Variants in GRIA2 observed in about 807,000 individuals in gnomAD.
GRIA2 encodes glutamate ionotropic receptor AMPA type subunit 2.
A neutral mutation model predicts 97.3 loss-of-function variants in GRIA2; 14 were observed. The observed-to-expected ratio is 0.14, with a 90% confidence interval of 0.10 to 0.23. GRIA2 has a LOEUF of 0.23. GRIA2 is among the 10% of genes least tolerant of loss of function. The pLI is 1.00. For missense variants in GRIA2, 558 were observed against 1,069.8 expected (o/e 0.52, Z 6.67); for synonymous variants, 412 against 387.8 (o/e 1.06, Z -0.73).
chr4:157,321,621 T>C (rs988593600), intron 6 of GRIA2, 22 bp downstream of exon 6: 4 of 1,558,298 alleles, frequency 2.6e-6, no homozygotes, highest in Non-Finnish European at 3.5e-6. Flanking sequence ...TTTCTGTCTT[T>C]TCTTTTTCTT....
At chr4:157,280,818 A>G (rs1271453532) in intron 2 of GRIA2, among the ~76,000 whole-genome samples, 2 of 152,062 alleles carry the variant, frequency 1.3e-5, no homozygotes. Flanking sequence ...AGGGAATTAC[A>G]TGCAGGCATA....
intron 2 of GRIA2, among the ~76,000 whole-genome samples, chr4:157,270,652 C>G (rs1308491719): frequency 1.3e-5 from 2 of 152,022 alleles, no homozygotes; most frequent in African/African-American, 2.4e-5. Context: ...CTGGAAAAAA[C>G]ACACAAGCGA....
intron 7 of GRIA2, 38 bp from the exon 8 acceptor site, chr4:157,333,211 A>T (rs1468057093): frequency 8.2e-7 from 1 of 1,213,716 alleles, no homozygotes; most frequent in Non-Finnish European, 1.2e-6. Context: ...TGGTTGAAGT[A>T]AATATATAAC....
chr4:157,252,578 T>C lies in GRIA2; in HGVS notation c.229+30771T>C, dbSNP rs1355664149. ...TGGTAATATTGAGGAAAATAATATTTTGATATTGTATAATGAATTATGGCA... is the reference window on the plus strand; with the variant it reads ...TGGTAATATTGAGGAAAATAATATTCTGATATTGTATAATGAATTATGGCA... On this transcript the variant is annotated intron_variant, in intron 2 of 15. Coordinates refer to ENST00000264426, the MANE Select transcript of GRIA2 (RefSeq NM_001083619.3). Among the ~76,000 whole-genome samples, 11 of 152,162 alleles carry C rather than the reference T, an allele frequency of 7.2e-5. No individual in the cohort carries two copies. The East Asian group carries it at 2.1e-3, about 30-fold the overall frequency.
At position 157,220,963 on chromosome 4, in the gene GRIA2, A is replaced by G; in HGVS notation, c.-80A>G. On this transcript the variant is annotated 5_prime_UTR_variant, in exon 1 of 16. Coordinates refer to ENST00000264426, the MANE Select transcript of GRIA2 (RefSeq NM_001083619.3). ...TCAAAATGCAGAGGATCTAATTTGC[A>G]GAGGAAAACAGCCAAAGAAGGAAGA... 2.6e-6 allele frequency: 2 copies of G among 775,424 alleles called. No homozygotes were observed. Among genetic ancestry groups the G allele is most frequent in the East Asian group, 2.4e-5 (1 of 40,958 alleles). 48.0% of individuals were successfully genotyped at this position (775,424 alleles called of 1,614,324 possible).
At chr4:157,252,246 A>C (rs1339757300) in intron 2 of GRIA2, among the ~76,000 whole-genome samples, 1 of 152,152 alleles carries the variant, frequency 6.6e-6, no homozygotes, top group Non-Finnish European at 1.5e-5. Flanking sequence ...CCACATGATC[A>C]TATGGAACAA....
chr4:157,259,275 C>A (rs978465349), intron 2 of GRIA2, among the ~76,000 whole-genome samples: 19 of 151,966 alleles, frequency 1.3e-4, no homozygotes, highest in Admixed American at 1.0e-3. Context: ...TGTCTTTGGC[C>A]TACCTTCACT....
intron 2 of GRIA2, among the ~76,000 whole-genome samples, chr4:157,224,151 GT>G (rs753233379): frequency 2.0e-5 from 3 of 152,222 alleles, no homozygotes; most frequent in East Asian, 1.9e-4. Flanking sequence ...CATTTGCACA[GT>G]TTTTTCCCCT....
chr4:157,342,384 G>T, intron 12 of GRIA2: 1 of 984,910 alleles, frequency 1.0e-6, no homozygotes, highest in Non-Finnish European at 1.2e-6. Flanking sequence ...GGGAGAAAGG[G>T]TTCTGGGAGT....
At chr4:157,235,911 TACA>T (rs1730223539) in intron 2 of GRIA2, among the ~76,000 whole-genome samples, 1 of 152,014 alleles carries the variant, frequency 6.6e-6, no homozygotes, top group East Asian at 1.9e-4. Context: ...TAGTAAGTTT[TACA>T]AAATACTTTA....
At chr4:157,258,971 C>G (rs956699499) in intron 2 of GRIA2, among the ~76,000 whole-genome samples, 1 of 152,096 alleles carries the variant, frequency 6.6e-6, no homozygotes, top group Non-Finnish European at 1.5e-5. Context: ...AATCTCAGCA[C>G]TTTGGGAGGC....
intron 2 of GRIA2, among the ~76,000 whole-genome samples, chr4:157,267,748 A>G (rs2126783011): frequency 6.6e-6 from 1 of 152,168 alleles, no homozygotes; most frequent in East Asian, 1.9e-4. Flanking sequence ...GGAATCAGAA[A>G]TTTTTAACAT....
chr4:157,329,419 C>G (rs1052153665), intron 6 of GRIA2, among the ~76,000 whole-genome samples: 4 of 151,576 alleles, frequency 2.6e-5, no homozygotes. Context: ...TTTAACATTC[C>G]GAAGTATGTT....
intron 2 of GRIA2, among the ~76,000 whole-genome samples, chr4:157,266,550 T>C (rs147767905): frequency 6.6e-6 from 1 of 152,026 alleles, no homozygotes; most frequent in Non-Finnish European, 1.5e-5. Context: ...GAAACAAAAG[T>C]CCTCGGAGAC....
intron 2 of GRIA2, among the ~76,000 whole-genome samples, chr4:157,260,582 T>C (rs1731487390): frequency 6.6e-6 from 1 of 152,062 alleles, no homozygotes; most frequent in African/African-American, 2.4e-5. Flanking sequence ...TATCACTTTC[T>C]CTCACATGTC....
intron 2 of GRIA2, among the ~76,000 whole-genome samples, chr4:157,266,936 T>C (rs542151215): frequency 2.6e-5 from 4 of 152,018 alleles, no homozygotes; most frequent in African/African-American, 9.6e-5. Flanking sequence ...GGTGTGTGCC[T>C]GTAGGTTCAG....
rs371572401 is a variant in GRIA2 at position 157,360,015 on chromosome 4, T to C, written c.2163T>C (p.Tyr721=). 2.5e-6 allele frequency: 4 copies of C among 1,613,872 alleles called. No individual in the cohort carries two copies. The highest frequency in any genetic ancestry group is 3.4e-6 in the Non-Finnish European group (4 of 1,179,928). ...GAGTGCGGAAGTCCAAAGGGAAATA[T>C]GCCTACTTGTTGGAGTCCACGATGA... The part of the protein sequence containing the change: ...VARVRKSKGK[Y]AYLLESTMNE... The change falls in exon 13 of 16, where the codon TAT becomes TAC. Residue 721 remains tyrosine, a synonymous_variant. Transcript: ENST00000264426.
chr4:157,357,347 A>G (rs1244592425), intron 12 of GRIA2, among the ~76,000 whole-genome samples: 1 of 152,150 alleles, frequency 6.6e-6, no homozygotes, highest in Non-Finnish European at 1.5e-5. Context: ...AAATATGTTC[A>G]AACAATAGCT....
At chr4:157,323,842 C>T (rs1734693193) in intron 6 of GRIA2, among the ~76,000 whole-genome samples, 1 of 152,186 alleles carries the variant, frequency 6.6e-6, no homozygotes, top group Non-Finnish European at 1.5e-5. Flanking sequence ...ACCTTTCTTG[C>T]TCCCTTCCTG....
Sources: gnomAD v4.1 joint callset for allele counts (sites outside exome capture counted in the v4.1 genomes callset) on GRCh38, gnomAD v4.1.1 for gene constraint, MANE v1.5 for transcripts, NCBI Gene and HGNC (gene_info 2026-07-23, HGNC 2026-07-21) for gene names.